The following CCSER1 variants were observed in gnomAD, a reference collection of about 807,000 sequenced individuals.
CCSER1 encodes the protein coiled-coil serine rich protein 1.
CCSER1 carries 41 observed loss-of-function variants against 82.0 expected under a neutral mutation model. That is an observed-to-expected ratio of 0.50 (90% CI 0.39 to 0.65). The LOEUF (loss-of-function observed/expected upper bound fraction) is 0.65. Among genes scored for constraint, CCSER1 ranks in the 30% least tolerant of loss-of-function variants. The pLI is 0.00. For synonymous variants in CCSER1, 414 were observed against 383.9 expected (o/e 1.08, Z -0.92); for missense variants, 1,119 against 1,064.2 (o/e 1.05, Z -0.72).
intron 1 of CCSER1, among the ~76,000 whole-genome samples, chr4:90,215,391 C>T (rs1453749986): frequency 6.6e-6 from 1 of 152,088 alleles, no homozygotes; most frequent in Non-Finnish European, 1.5e-5. Flanking sequence ...ATATTGACTA[C>T]AAAAAGGATG....
At chr4:90,979,386 T>C (rs1735904352) in intron 9 of CCSER1, among the ~76,000 whole-genome samples, 1 of 151,686 alleles carries the variant, frequency 6.6e-6, no homozygotes, top group African/African-American at 2.4e-5. Flanking sequence ...CCTATACTCA[T>C]GGAACTTATA....
intron 10 of CCSER1, among the ~76,000 whole-genome samples, chr4:91,578,206 T>C (rs1197059730): frequency 1.3e-5 from 2 of 151,976 alleles, no homozygotes; most frequent in Non-Finnish European, 2.9e-5. Flanking sequence ...TCTGTCAATA[T>C]CCATAAAACT....
chr4:90,388,599 C>A (rs1270431953), intron 3 of CCSER1, among the ~76,000 whole-genome samples: 1 of 150,740 alleles, frequency 6.6e-6, no homozygotes, highest in Non-Finnish European at 1.5e-5. Flanking sequence ...CGTGAGCCAC[C>A]ACGCCCGGCC....
chr4:90,468,339 C>G lies in CCSER1; in HGVS notation c.1709C>G (p.Pro570Arg), dbSNP rs1393022248. ...EMKKREEPEF[P>R]EPSKQNLSLK... is the part of the protein sequence containing the mutation. The stretch of plus-strand genomic sequence containing the variant: ...AAGAAAAGAGAAGAACCAGAATTTC[C>G]TGAGCCTTCCAAACAGTGAGTTGTT... Residue 570 changes from proline to arginine, a missense_variant, in exon 5 of 11, where the codon CCT (proline) becomes CGT (arginine). Transcript: ENST00000509176. The G allele has an allele frequency of 6.2e-7, 1 of 1,604,170 alleles. No homozygotes were observed. Among genetic ancestry groups the G allele is most frequent in the Admixed American group, 1.7e-5 (1 of 59,746 alleles).
chr4:90,969,649 A>G (rs936595315), intron 9 of CCSER1, among the ~76,000 whole-genome samples: 4 of 152,020 alleles, frequency 2.6e-5, no homozygotes, highest in Non-Finnish European at 4.4e-5. Context: ...GAATTTATTA[A>G]CATTAGACAT....
chr4:91,584,188 G>A lies in CCSER1; in HGVS notation c.2218-14384G>A, dbSNP rs1012354552. Among the ~76,000 whole-genome samples, 9 of 151,512 alleles carry A rather than the reference G, an allele frequency of 5.9e-5. No homozygotes were observed. In the South Asian group the frequency reaches 8.3e-4, roughly 14 times the overall value. On this transcript the variant is annotated intron_variant, in intron 10 of 10. Transcript: ENST00000509176. ...GCTACCATGATCTGCTTTCACCTAC[G>A]TAGTTGCATTTGAGGGTCTGGAGGC...
At chr4:91,478,866 C>G (rs1031642190) in intron 10 of CCSER1, among the ~76,000 whole-genome samples, 1 of 150,694 alleles carries the variant, frequency 6.6e-6, no homozygotes, top group African/African-American at 2.4e-5. Flanking sequence ...ATTAAATCTT[C>G]TATATTTAGC....
intron 9 of CCSER1, among the ~76,000 whole-genome samples, chr4:90,948,760 CTCAG>C (rs1287384886): frequency 6.6e-6 from 1 of 151,852 alleles, no homozygotes; most frequent in South Asian, 2.1e-4. Context: ...AATTTTATTT[CTCAG>C]TCAGACTTCT....
At chr4:91,284,641 C>T (rs1743138974) in intron 10 of CCSER1, among the ~76,000 whole-genome samples, 1 of 152,072 alleles carries the variant, frequency 6.6e-6, no homozygotes, top group Non-Finnish European at 1.5e-5. Context: ...CATGTCTTTC[C>T]TCTTTTCCCA....
intron 1 of CCSER1, among the ~76,000 whole-genome samples, chr4:90,180,316 C>T (rs1165991192): frequency 6.6e-6 from 1 of 151,968 alleles, no homozygotes; most frequent in Non-Finnish European, 1.5e-5. Context: ...TGGCCAGATG[C>T]GGTGCCTCAC....
intron 1 of CCSER1, among the ~76,000 whole-genome samples, chr4:90,164,307 G>A (rs1730044454): frequency 1.3e-5 from 2 of 148,736 alleles, no homozygotes; most frequent in Admixed American, 6.7e-5. Flanking sequence ...CTTGTCTATC[G>A]CAGAATTGAT....
At chr4:90,902,563 G>A (rs1724815348) in intron 8 of CCSER1, among the ~76,000 whole-genome samples, 1 of 151,980 alleles carries the variant, frequency 6.6e-6, no homozygotes, top group Non-Finnish European at 1.5e-5. Context: ...GGGGCCCAGT[G>A]CTCTGTTTGG....
At chr4:91,079,597 A>G in intron 9 of CCSER1, among the ~76,000 whole-genome samples, 1 of 152,316 alleles carries the variant, frequency 6.6e-6, no homozygotes, top group African/African-American at 2.4e-5. Flanking sequence ...AAATGGGCTA[A>G]ATGCTCCAAA....
intron 9 of CCSER1, among the ~76,000 whole-genome samples, chr4:91,014,215 T>A (rs1311939661): frequency 7.4e-6 from 1 of 134,404 alleles, no homozygotes; most frequent in African/African-American, 2.5e-5. Context: ...TTAGTATCCA[T>A]GCTCTCTCTC....
chr4:90,720,476 T>C (rs2149362116), intron 6 of CCSER1, among the ~76,000 whole-genome samples: 1 of 152,210 alleles, frequency 6.6e-6, no homozygotes, highest in South Asian at 2.1e-4. Context: ...CCCTAACTTA[T>C]GAATCAGTTA....
chr4:91,574,680 G>C (rs1031488747), intron 10 of CCSER1, among the ~76,000 whole-genome samples: 4 of 151,980 alleles, frequency 2.6e-5, no homozygotes, highest in Non-Finnish European at 4.4e-5. Context: ...CTTATAAGTA[G>C]GAGCTAAACA....
chr4:91,244,084 G>A (rs994610548), intron 10 of CCSER1, among the ~76,000 whole-genome samples: 1 of 152,180 alleles, frequency 6.6e-6, no homozygotes, highest in African/African-American at 2.4e-5. Flanking sequence ...CAAACTGATA[G>A]AAGAGTCCTT....
chr4:90,721,928 C>A (rs868550142), intron 6 of CCSER1, among the ~76,000 whole-genome samples: 22 of 151,086 alleles, frequency 1.5e-4, no homozygotes, highest in South Asian at 4.2e-4. Flanking sequence ...TAAGGTGTCA[C>A]ACTTTAAGAT....
At chr4:91,182,487 C>G (rs1286228863) in intron 10 of CCSER1, among the ~76,000 whole-genome samples, 1 of 152,172 alleles carries the variant, frequency 6.6e-6, no homozygotes, top group Non-Finnish European at 1.5e-5. Context: ...CATCTGCGGT[C>G]TTCCATATTT....
Sources: allele counts gnomAD v4.1 joint callset (sites outside exome capture counted in the v4.1 genomes callset), GRCh38; gene constraint gnomAD v4.1.1; transcripts MANE v1.5; gene names NCBI Gene and HGNC (gene_info 2026-07-23, HGNC 2026-07-21).